The following ASRGL1 variants were observed in gnomAD, a reference collection of about 807,000 sequenced individuals.
ASRGL1 encodes the protein isoaspartyl peptidase/L-asparaginase.
ASRGL1 carries 16 observed loss-of-function variants against 22.4 expected under a neutral mutation model. The ratio of observed to expected loss-of-function variants is 0.71; its 90% CI spans 0.48 to 1.08. The LOEUF is 1.08. Ranked by LOEUF, ASRGL1 falls within the 50% of genes least tolerant of loss-of-function variation. The pLI, the probability that ASRGL1 is intolerant of heterozygous loss-of-function variation, is 0.00. For missense variants in ASRGL1, 412 were observed against 410.1 expected (o/e 1.00, Z -0.04); for synonymous variants, 165 against 159.3 (o/e 1.04, Z -0.27).
chr11:62,389,328 C>A, intron 5 of ASRGL1, 77 bp downstream of exon 5: 1 of 1,324,448 alleles, frequency 7.6e-7, no homozygotes, highest in Non-Finnish European at 1.1e-6. Flanking sequence ...ATTCCCTGCC[C>A]CTCTCCGTTT....
chr11:62,401,142 A>C, the ASRGL1 span, among the ~76,000 whole-genome samples: 1 of 152,056 alleles, frequency 6.6e-6, no homozygotes, highest in African/African-American at 2.4e-5. Flanking sequence ...ATTGCCATTA[A>C]CCCTCTGTAA....
chr11:62,394,213 T>C (rs987513301), downstream of ASRGL1, among the ~76,000 whole-genome samples: 1 of 130,742 alleles, frequency 7.6e-6, no homozygotes, highest in Non-Finnish European at 1.5e-5. Context: ...ATATATGATA[T>C]ATAATATTAT....
chr11:62,342,338 T>G (rs958857218), intron 2 of ASRGL1, among the ~76,000 whole-genome samples: 2 of 152,168 alleles, frequency 1.3e-5, no homozygotes, highest in Non-Finnish European at 2.9e-5. Context: ...TTGTGGGAGC[T>G]AAGAACGTAA....
At chr11:62,361,628 C>G (rs530759090) in intron 4 of ASRGL1, among the ~76,000 whole-genome samples, 3 of 151,760 alleles carry the variant, frequency 2.0e-5, no homozygotes, top group Non-Finnish European at 2.9e-5. Context: ...GCTGGGACTA[C>G]AGGCGCATGC....
At chr11:62,372,294 A>G (rs955112659) in intron 4 of ASRGL1, 1 of 1,602,994 alleles carries the variant, frequency 6.2e-7, no homozygotes, top group Admixed American at 1.7e-5. Context: ...GTTTGGGGAA[A>G]ACAAGATGGG....
chr11:62,395,442 A>T (rs1947420941), downstream of ASRGL1, among the ~76,000 whole-genome samples: 1 of 152,118 alleles, frequency 6.6e-6, no homozygotes, highest in Non-Finnish European at 1.5e-5. Context: ...ACTCAGCCCC[A>T]CTGCTGGGCT....
rs546119453 is a variant in ASRGL1 at position 62,380,954 on chromosome 11, T to C, written c.492-8179T>C. Among the ~76,000 whole-genome samples the C allele has an allele frequency of 8.5e-5, 13 of 152,244 alleles. No individual in the cohort carries two copies. The East Asian group carries it at 1.2e-3, about 14-fold the overall frequency. Reference sequence around the variant, plus strand: ...GGTGGTGCTGTAGGATAAAGTCTTATAGTGGGCGGCTGAGGCTATAGCGCC... The same window carrying C: ...GGTGGTGCTGTAGGATAAAGTCTTACAGTGGGCGGCTGAGGCTATAGCGCC... On this transcript the variant is annotated intron_variant, in intron 4 of 6. Transcript: ENST00000415229.
intron 4 of ASRGL1, among the ~76,000 whole-genome samples, chr11:62,370,687 T>C (rs1946737992): frequency 6.6e-6 from 1 of 152,168 alleles, no homozygotes; most frequent in African/African-American, 2.4e-5. Context: ...GCAATTGTGG[T>C]AGCATTGACC....
chr11:62,338,452 A>G, intron 2 of ASRGL1: 1 of 366,734 alleles, frequency 2.7e-6, no homozygotes. Context: ...GATGTCAATC[A>G]GTACATACAA....
intron 2 of ASRGL1, among the ~76,000 whole-genome samples, chr11:62,346,998 G>C (rs969305722): frequency 1.3e-5 from 2 of 151,782 alleles, no homozygotes; most frequent in Admixed American, 1.3e-4. Context: ...AATAACGTCT[G>C]ACAAGGTTAG....
chr11:62,338,149 G>A lies in ASRGL1; in HGVS notation c.172G>A (p.Asp58Asn), dbSNP rs1294639631. 3.2e-6 allele frequency: 5 copies of A among 1,580,802 alleles called. No homozygotes were observed. In the South Asian group the frequency reaches 3.5e-5, roughly 11 times the overall value. The part of the protein sequence containing the change: ...VEGAVVALED[D>N]PEFNAGCGSV... ...GGGAGCTGTCGTCGCCCTGGAAGAC[G>A]ATCCCGAGTTCAACGCAGGTAAATG... The change falls in exon 2 of 7, where the codon GAT (aspartate) becomes AAT (asparagine). Residue 58 changes from aspartate to asparagine, a missense_variant. Coordinates refer to ENST00000415229, the MANE Select transcript of ASRGL1 (RefSeq NM_001083926.2).
intron 4 of ASRGL1, among the ~76,000 whole-genome samples, chr11:62,379,156 C>G (rs760016334): frequency 6.6e-6 from 1 of 152,118 alleles, no homozygotes; most frequent in Non-Finnish European, 1.5e-5. Context: ...GATTATCCGG[C>G]CCTAAACAAT....
Position 62,393,019 on chromosome 11 carries a change from T to A in ASRGL1, c.*735T>A, listed in dbSNP as rs1274163036. ...ACAGAGGAGCCCCCTCACTTGGTGT[T>A]CTCCCGTGAGCCAGCCTCCACCTGC... is the stretch of plus-strand genomic sequence containing the variant. On this transcript the variant is annotated 3_prime_UTR_variant, in exon 7 of 7. Coordinates refer to ENST00000415229, the MANE Select transcript of ASRGL1 (RefSeq NM_001083926.2). 6.6e-6 allele frequency: 1 copy of A among 152,306 alleles called. No individual in the cohort carries two copies. Among genetic ancestry groups the A allele is most frequent in the African/African-American group, 2.4e-5 (1 of 41,408 alleles). 9.4% of individuals were successfully genotyped at this position (152,306 alleles called of 1,614,324 possible).
chr11:62,338,989 T>A (rs1368632654), intron 2 of ASRGL1, among the ~76,000 whole-genome samples: 2 of 149,556 alleles, frequency 1.3e-5, no homozygotes, highest in African/African-American at 4.9e-5. Context: ...GATAAGAGGT[T>A]GAGGAGACCA....
intron 4 of ASRGL1, chr11:62,372,111 C>T: frequency 1.3e-6 from 1 of 793,550 alleles, no homozygotes; most frequent in Non-Finnish European, 2.3e-6. Context: ...CTCATCACCA[C>T]AGAAGGAAAG....
At chr11:62,380,425 T>C (rs1316747485) in intron 4 of ASRGL1, among the ~76,000 whole-genome samples, 2 of 152,294 alleles carry the variant, frequency 1.3e-5, no homozygotes, top group African/African-American at 4.8e-5. Context: ...TGGATTTTTT[T>C]CCCAGGCCCT....
chr11:62,345,026 C>T (rs1945979516), intron 2 of ASRGL1, among the ~76,000 whole-genome samples: 1 of 152,184 alleles, frequency 6.6e-6, no homozygotes, highest in Admixed American at 6.5e-5. Context: ...CCAGTTCCAT[C>T]CATGTTGTTG....
rs772089516 is a variant in ASRGL1, at chr11:62,392,262, C to G, written c.905C>G (p.Thr302Ser). 1.9e-6 allele frequency: 3 copies of G among 1,613,766 alleles called. No homozygotes were observed. Among genetic ancestry groups the G allele is most frequent in the Non-Finnish European group, 2.5e-6 (3 of 1,180,046 alleles). Residue 302 changes from threonine (T) to serine (S), a missense_variant, in exon 7 of 7, where the codon ACT becomes AGT. Physicochemically the swap from Thr to Ser is moderately conservative, Grantham distance 58. Coordinates refer to ENST00000415229, the MANE Select transcript of ASRGL1 (RefSeq NM_001083926.2). The part of the protein sequence containing the change: ...KLHFGIDPDD[T>S]TITDLP ...CACTTCGGAATTGATCCTGACGATA[C>G]TACTATCACCGACCTTCCCTAAGCC...
At chr11:62,345,287 G>A (rs527546845) in intron 2 of ASRGL1, among the ~76,000 whole-genome samples, 1 of 151,866 alleles carries the variant, frequency 6.6e-6, no homozygotes, top group African/African-American at 2.4e-5. Context: ...AGGAACTCAG[G>A]GTTGTTTTTT....
Sources: gnomAD v4.1 joint callset for allele counts (sites outside exome capture counted in the v4.1 genomes callset) on GRCh38, gnomAD v4.1.1 for gene constraint, MANE v1.5 for transcripts, NCBI Gene and HGNC (gene_info 2026-07-23, HGNC 2026-07-21) for gene names.